The following GOLGB1 variants were observed in gnomAD, a reference collection of about 807,000 sequenced individuals.
GOLGB1 encodes the protein golgin B1.
A neutral mutation model predicts 336.9 loss-of-function variants in GOLGB1; 174 were observed. The observed-to-expected ratio is 0.52, with a 90% CI of 0.46 to 0.59. The LOEUF is 0.59. Ranked by LOEUF, GOLGB1 falls within the 20% of genes least tolerant of loss-of-function variation. GOLGB1 has a pLI of 0.00. For missense variants in GOLGB1, 3,331 were observed against 3,645.3 expected, an observed-to-expected ratio of 0.91 and a Z score of 2.22; for synonymous variants, 1,208 against 1,289.2, an observed-to-expected ratio of 0.94 and a Z score of 1.35.
At position 121,729,996 on chromosome 3, in the gene GOLGB1, T is replaced by C; in HGVS notation, c.118A>G (p.Met40Val). ...LDPELHQESD[M>V]EFNNTTQEDV... ...TCTTGTGTAGTATTATTAAATTCCATGTCAGATTCTTGGTGTAATTCCTAA... is the reference window on the plus strand; with the variant it reads ...TCTTGTGTAGTATTATTAAATTCCACGTCAGATTCTTGGTGTAATTCCTAA... Residue 40 changes from methionine (M) to valine (V), a missense_variant, in exon 3 of 22, where the codon ATG becomes GTG. Transcript: ENST00000614479. 1 of 1,612,260 alleles carries C rather than the reference T, an allele frequency of 6.2e-7. No individual in the cohort carries two copies.
At chr3:121,705,283 A>T (rs1279570095) in intron 10 of GOLGB1, among the ~76,000 whole-genome samples, 2 of 152,188 alleles carry the variant, frequency 1.3e-5, no homozygotes, top group Admixed American at 6.5e-5. Flanking sequence ...CACTTAAAAA[A>T]TTTTTGTAAA....
At chr3:121,688,937 C>A (rs1942094327) in intron 14 of GOLGB1, among the ~76,000 whole-genome samples, 1 of 150,636 alleles carries the variant, frequency 6.6e-6, no homozygotes, top group Non-Finnish European at 1.5e-5. Flanking sequence ...AAGTGAGGAG[C>A]CCCTTGGCCT....
At position 121,697,661 on chromosome 3, in the gene GOLGB1, C is replaced by T. The variant is rs759219856; in HGVS notation, c.2862G>A (p.Val954=). The change falls in exon 13 of 22, where the codon GTG becomes GTA. Residue 954 remains valine, a synonymous_variant. Coordinates refer to ENST00000614479, the MANE Select transcript of GOLGB1 (RefSeq NM_001366282.2). ...SRAEEAKKEQ[V]EEDNEVSSGL... is the part of the protein sequence containing the mutation. The stretch of plus-strand genomic sequence containing the variant: ...CAGAAGAAACTTCATTATCTTCTTC[C>T]ACCTGCTCTTTTTTTGCTTCCTCAG... 1.2e-6 allele frequency: 2 copies of T among 1,612,542 alleles called. No homozygotes were observed. The highest frequency in any genetic ancestry group is 1.7e-6 in the Non-Finnish European group (2 of 1,179,722).
At position 121,696,590 on chromosome 3, in the gene GOLGB1, C is replaced by G; in HGVS notation, c.3933G>C (p.Gln1311His). Residue 1311 changes from glutamine (Q) to histidine (H), a missense_variant, in exon 13 of 22, where the codon CAG (glutamine) becomes CAC (histidine). Gln to His is a conservative substitution (Grantham distance 24). Transcript: ENST00000614479. ...CTATTTCCTTCAGCTGGGCCTTAAT[C>G]TGGGCAACAGAAGTTCCGCCCTGCA... Reference protein sequence around the residue: ...SALQGGTSVAQIKAQLKEIEA... With the variant: ...SALQGGTSVAHIKAQLKEIEA... 1 of 1,614,176 alleles carries G rather than the reference C, an allele frequency of 6.2e-7. No individual in the cohort carries two copies.
chr3:121,733,091 G>A (rs1209503999), intron 1 of GOLGB1, among the ~76,000 whole-genome samples: 2 of 151,548 alleles, frequency 1.3e-5, no homozygotes, highest in African/African-American at 2.4e-5. Context: ...TGGGAGGCCA[G>A]GGCGGGCGGA....
At chr3:121,733,542 A>G (rs999022980) in intron 1 of GOLGB1, among the ~76,000 whole-genome samples, 1 of 152,210 alleles carries the variant, frequency 6.6e-6, no homozygotes, top group Non-Finnish European at 1.5e-5. Context: ...TAAAGTATCA[A>G]TTCTCCCCAT....
At chr3:121,669,018 A>T (rs1560163350) in intron 18 of GOLGB1, among the ~76,000 whole-genome samples, 194 bp downstream of exon 18, 1 of 152,088 alleles carries the variant, frequency 6.6e-6, no homozygotes, top group Non-Finnish European at 1.5e-5. Flanking sequence ...CATCTCACTG[A>T]TCTTTTTTCT....
At chr3:121,707,225 C>CAAAAAAAAAAAAA (rs554313106) in intron 10 of GOLGB1, among the ~76,000 whole-genome samples, 12 of 93,596 alleles carry the variant, frequency 1.3e-4, no homozygotes, top group Non-Finnish European at 1.8e-4. Context: ...GACTCCATCT[C>CAAAAAAAAAAAAA]AAAAAAAAAA....
chr3:121,664,214 C>T lies in GOLGB1; in HGVS notation c.*266G>A, dbSNP rs1938268830. ...AGATCAGGGTCCTGCAAAATCTCAA[C>T]AAATATTAGGCTCAACAAACCAAAT... is the stretch of plus-strand genomic sequence containing the variant. On this transcript the variant is annotated 3_prime_UTR_variant, in exon 22 of 22. Coordinates refer to ENST00000614479, the MANE Select transcript of GOLGB1 (RefSeq NM_001366282.2). 1 of 439,796 alleles carries T rather than the reference C, an allele frequency of 2.3e-6. No individual in the cohort carries two copies. The highest frequency in any genetic ancestry group is 1.9e-5 in the African/African-American group (1 of 51,496). 27.2% of individuals were successfully genotyped at this position (439,796 alleles called of 1,614,324 possible). A position where few individuals can be genotyped will look rare whatever the true frequency, so the allele number is the denominator to read the frequency against.
chr3:121,712,320 G>C (rs1443521824), intron 10 of GOLGB1, among the ~76,000 whole-genome samples: 1 of 151,936 alleles, frequency 6.6e-6, no homozygotes, highest in Non-Finnish European at 1.5e-5. Flanking sequence ...TTGAGATTCA[G>C]AGACTTCAAA....
chr3:121,684,256 ATCTTCCAGAAATACAGC>A (rs1941482067), intron 14 of GOLGB1, among the ~76,000 whole-genome samples: 1 of 149,248 alleles, frequency 6.7e-6, no homozygotes, highest in Non-Finnish European at 1.5e-5. Context: ...AGGCAAGAAA[ATCTTCCAGAAATACAGC>A]AAAAAAAAAA....
At position 121,696,323 on chromosome 3, in the gene GOLGB1, A is replaced by C; in HGVS notation, c.4200T>G (p.Asp1400Glu). The change falls in exon 13 of 22, where the codon GAT becomes GAG. Residue 1400 changes from aspartate to glutamate, a missense_variant. Coordinates refer to ENST00000614479, the MANE Select transcript of GOLGB1 (RefSeq NM_001366282.2). Reference sequence around the variant, plus strand: ...TTTTGCTTATGAGTTTTTGCAGTTCATCCAGTTTAGGTTGCAATTCTCTTA... The same window carrying C: ...TTTTGCTTATGAGTTTTTGCAGTTCCTCCAGTTTAGGTTGCAATTCTCTTA... Reference protein sequence around the residue: ...EHLRELQPKLDELQKLISKKE... With the variant: ...EHLRELQPKLEELQKLISKKE... The C allele has an allele frequency of 6.2e-7, 1 of 1,614,190 alleles. No individual in the cohort carries two copies.
intron 10 of GOLGB1, among the ~76,000 whole-genome samples, chr3:121,704,969 T>G (rs1943694681): frequency 6.6e-6 from 1 of 152,048 alleles, no homozygotes; most frequent in Non-Finnish European, 1.5e-5. Flanking sequence ...GAAAACAGTA[T>G]CAAATAGATA....
chr3:121,692,946 C>T (rs1252783808), intron 13 of GOLGB1, among the ~76,000 whole-genome samples: 1 of 152,028 alleles, frequency 6.6e-6, no homozygotes, highest in Non-Finnish European at 1.5e-5. Context: ...ATATGAAAGA[C>T]AGTGAGAAAA....
intron 9 of GOLGB1, among the ~76,000 whole-genome samples, chr3:121,716,493 T>A (rs1031102175): frequency 2.6e-5 from 4 of 152,222 alleles, no homozygotes; most frequent in Non-Finnish European, 4.4e-5. Context: ...TAGCATTCTA[T>A]TTAATATCTG....
intron 3 of GOLGB1, 48 bp downstream of exon 3, chr3:121,729,817 T>A: frequency 7.1e-7 from 1 of 1,405,782 alleles, no homozygotes; most frequent in Non-Finnish European, 1.0e-6. Flanking sequence ...TAGTGTATCA[T>A]CTGTCCTTTA....
intron 12 of GOLGB1, among the ~76,000 whole-genome samples, chr3:121,699,403 C>G (rs148824306): frequency 6.6e-6 from 1 of 151,980 alleles, no homozygotes; most frequent in African/African-American, 2.4e-5. Flanking sequence ...GCAACCATAC[C>G]CTTCTTATAG....
intron 10 of GOLGB1, among the ~76,000 whole-genome samples, chr3:121,703,195 G>T (rs539510481): frequency 6.6e-6 from 1 of 152,086 alleles, no homozygotes; most frequent in East Asian, 1.9e-4. Flanking sequence ...ATTCTCCATG[G>T]ATATTATTCT....
chr3:121,705,693 T>A (rs928403422), intron 10 of GOLGB1, among the ~76,000 whole-genome samples: 2 of 152,244 alleles, frequency 1.3e-5, no homozygotes, highest in African/African-American at 4.8e-5. Context: ...GCAAAGGGAC[T>A]GAACAAGTGT....
Sources: allele counts gnomAD v4.1 joint callset (sites outside exome capture counted in the v4.1 genomes callset), GRCh38; gene constraint gnomAD v4.1.1; transcripts MANE v1.5; gene names NCBI Gene and HGNC (gene_info 2026-07-23, HGNC 2026-07-21).